The following CPNE4 variants were observed in gnomAD, a reference collection of about 807,000 sequenced individuals.
CPNE4 encodes the protein copine-4.
In CPNE4, 25 loss-of-function variants were observed where a neutral mutation model predicts 67.9. That is an observed-to-expected ratio of 0.37 (90% CI 0.27 to 0.51). The LOEUF (loss-of-function observed/expected upper bound fraction) is 0.51. Among genes scored for constraint, CPNE4 ranks in the 20% least tolerant of loss-of-function variants. CPNE4 has a pLI of 0.93. For synonymous variants in CPNE4, 242 were observed against 244.9 expected (o/e 0.99, Z 0.11); for missense variants, 464 against 690.8 (o/e 0.67, Z 3.68).
At chr3:131,589,789 A>C (rs947806908) in intron 7 of CPNE4, among the ~76,000 whole-genome samples, 1 of 152,234 alleles carries the variant, frequency 6.6e-6, no homozygotes, top group Non-Finnish European at 1.5e-5. Flanking sequence ...TTGCCTAAGA[A>C]ATATTAAGAA....
chr3:131,968,633 T>G (rs141578210), intron 1 of CPNE4, among the ~76,000 whole-genome samples: 6,287 of 152,230 alleles, frequency 0.041, 385 homozygotes, highest in African/African-American at 0.14. Context: ...ATTAGAGCAA[T>G]GCAAATCAAA....
At chr3:131,877,955 G>T (rs571427633) in intron 2 of CPNE4, among the ~76,000 whole-genome samples, 1 of 152,288 alleles carries the variant, frequency 6.6e-6, no homozygotes, top group African/African-American at 2.4e-5. Context: ...TCACCAGGAT[G>T]GCTAAGATGA....
At chr3:131,633,869 C>A (rs910900366) in intron 7 of CPNE4, among the ~76,000 whole-genome samples, 2 of 151,888 alleles carry the variant, frequency 1.3e-5, no homozygotes, top group Admixed American at 1.3e-4. Flanking sequence ...TATTTAGAAT[C>A]ATTGTTTTAT....
intron 1 of CPNE4, among the ~76,000 whole-genome samples, chr3:131,982,637 A>G (rs1355628735): frequency 6.6e-6 from 1 of 152,160 alleles, no homozygotes; most frequent in Non-Finnish European, 1.5e-5. Context: ...GTGGTATATT[A>G]TTGTGATTTA....
intron 7 of CPNE4, among the ~76,000 whole-genome samples, chr3:131,630,806 A>C (rs2079200623): frequency 6.6e-6 from 1 of 152,244 alleles, no homozygotes; most frequent in African/African-American, 2.4e-5. Flanking sequence ...AATATGAATA[A>C]AATGTGTGTC....
intron 2 of CPNE4, among the ~76,000 whole-genome samples, chr3:131,769,694 C>T (rs2083115259): frequency 6.6e-6 from 1 of 152,096 alleles, no homozygotes; most frequent in Non-Finnish European, 1.5e-5. Flanking sequence ...CCTGCCTATC[C>T]TTCCTGGAAG....
chr3:131,657,437 A>G (rs1225828012), intron 7 of CPNE4, among the ~76,000 whole-genome samples: 1 of 152,138 alleles, frequency 6.6e-6, no homozygotes, highest in African/African-American at 2.4e-5. Flanking sequence ...AACTTTTTGA[A>G]AATTATACAT....
At chr3:131,554,237 G>A (rs1327231088) in intron 12 of CPNE4, among the ~76,000 whole-genome samples, 2 of 151,880 alleles carry the variant, frequency 1.3e-5, no homozygotes, top group African/African-American at 4.8e-5. Context: ...GATTTGAAGG[G>A]GCCTATATCT....
At chr3:131,837,115 T>G (rs1259736357) in intron 2 of CPNE4, among the ~76,000 whole-genome samples, 1 of 152,156 alleles carries the variant, frequency 6.6e-6, no homozygotes, top group East Asian at 1.9e-4. Context: ...TGATCTCTCA[T>G]GTACTGTTGG....
At chr3:132,030,642 C>G (rs2074218086) in intron 1 of CPNE4, among the ~76,000 whole-genome samples, 1 of 152,114 alleles carries the variant, frequency 6.6e-6, no homozygotes, top group Non-Finnish European at 1.5e-5. Context: ...TGATGGTTCC[C>G]AAGAGGGTTT....
chr3:131,607,916 A>G (rs975748974), intron 7 of CPNE4, among the ~76,000 whole-genome samples: 3 of 152,184 alleles, frequency 2.0e-5, no homozygotes, highest in Non-Finnish European at 2.9e-5. Context: ...TTAGGGTATT[A>G]CAAGTGCAGG....
chr3:131,588,254 G>A (rs552935221), intron 7 of CPNE4, among the ~76,000 whole-genome samples: 3 of 152,110 alleles, frequency 2.0e-5, no homozygotes, highest in South Asian at 2.1e-4. Flanking sequence ...TAACAAAAGG[G>A]CTAAATATTC....
At chr3:131,557,073 T>G (rs1936499051) in intron 11 of CPNE4, among the ~76,000 whole-genome samples, 1 of 152,114 alleles carries the variant, frequency 6.6e-6, no homozygotes, top group Non-Finnish European at 1.5e-5. Flanking sequence ...AATGATTATA[T>G]GTAGTATTAA....
At chr3:131,667,532 C>A (rs2080295571) in intron 7 of CPNE4, among the ~76,000 whole-genome samples, 1 of 151,978 alleles carries the variant, frequency 6.6e-6, no homozygotes, top group African/African-American at 2.4e-5. Flanking sequence ...AGGCACAGGA[C>A]AGCTCCCCAC....
At chr3:131,931,186 C>G (rs2071049015) in intron 1 of CPNE4, among the ~76,000 whole-genome samples, 1 of 152,118 alleles carries the variant, frequency 6.6e-6, no homozygotes, top group African/African-American at 2.4e-5. Context: ...CTGGCAGGAT[C>G]TTTTGCAATA....
intron 1 of CPNE4, among the ~76,000 whole-genome samples, chr3:131,952,762 C>A (rs1423830310): frequency 6.6e-6 from 1 of 152,154 alleles, no homozygotes; most frequent in African/African-American, 2.4e-5. Context: ...TCATTGAGAA[C>A]GGGCCAGGAT....
intron 7 of CPNE4, among the ~76,000 whole-genome samples, chr3:131,590,545 T>C (rs1034847386): frequency 4.6e-5 from 7 of 152,202 alleles, no homozygotes; most frequent in African/African-American, 1.7e-4. Flanking sequence ...ATCGTAGGAA[T>C]AGGCATTACA....
In CPNE4 at chr3:131,564,147, G is replaced by A. The variant is rs890628627; in HGVS notation, c.1061+69C>T. The A allele has an allele frequency of 9.5e-6, 15 of 1,586,766 alleles. No individual in the cohort carries two copies. In the Admixed American group the frequency reaches 2.3e-4, roughly 25 times the overall value. The stretch of plus-strand genomic sequence containing the variant: ...AGACTTAATTTCCACTTTCTGCCCA[G>A]GATCAGCCAAAGACCGTCTGAACCC... On this transcript the variant is annotated intron_variant, in intron 11 of 15. Coordinates refer to ENST00000429747, the MANE Select transcript of CPNE4 (RefSeq NM_130808.3).
intron 11 of CPNE4, among the ~76,000 whole-genome samples, chr3:131,561,237 C>T (rs1936743951): frequency 6.6e-6 from 1 of 152,000 alleles, no homozygotes; most frequent in Non-Finnish European, 1.5e-5. Context: ...ACCCATATCC[C>T]TACTGGCCCC....
Sources: allele counts gnomAD v4.1 joint callset (sites outside exome capture counted in the v4.1 genomes callset), GRCh38; gene constraint gnomAD v4.1.1; transcripts MANE v1.5; gene names NCBI Gene and HGNC (gene_info 2026-07-23, HGNC 2026-07-21).